CATSPERB: variants seen among roughly 807,000 people sequenced by gnomAD.
CATSPERB encodes catsper channel auxiliary subunit beta.
In CATSPERB, 93 loss-of-function variants were observed where a neutral mutation model predicts 128.3. The observed-to-expected ratio is 0.72, with a 90% CI of 0.61 to 0.86. CATSPERB has a LOEUF of 0.86. CATSPERB is among the 40% of genes least tolerant of loss of function. The pLI, the probability that CATSPERB is intolerant of heterozygous loss-of-function variation, is 0.00. For synonymous variants in CATSPERB, 381 were observed against 448.8 expected, an observed-to-expected ratio of 0.85 and a Z score of 1.91; for missense variants, 1,153 against 1,329.5, an observed-to-expected ratio of 0.87 and a Z score of 2.06.
At chr14:91,715,960 C>A (rs993673643) in intron 5 of CATSPERB, among the ~76,000 whole-genome samples, 1 of 152,086 alleles carries the variant, frequency 6.6e-6, no homozygotes, top group Non-Finnish European at 1.5e-5. Context: ...AATACACAAG[C>A]TAGAAGTGTA....
chr14:91,636,351 A>C, intron 17 of CATSPERB, 74 bp downstream of exon 17: 5 of 1,391,736 alleles, frequency 3.6e-6, no homozygotes, highest in Non-Finnish European at 4.0e-6. Flanking sequence ...TGACAGAGCA[A>C]GACCCTATCT....
chr14:91,656,791 T>C (rs1314010111), intron 15 of CATSPERB, among the ~76,000 whole-genome samples: 2 of 151,822 alleles, frequency 1.3e-5, no homozygotes, highest in Non-Finnish European at 2.9e-5. Flanking sequence ...AAGACACACA[T>C]AGACTGAAAA....
chr14:91,718,552 A>C (rs1895979623), intron 5 of CATSPERB, among the ~76,000 whole-genome samples: 1 of 152,218 alleles, frequency 6.6e-6, no homozygotes, highest in South Asian at 2.1e-4. Flanking sequence ...AACTGAAGAT[A>C]CTGTCCTGGG....
chr14:91,723,004 C>A, intron 4 of CATSPERB, 45 bp downstream of exon 4: 1 of 1,375,842 alleles, frequency 7.3e-7, no homozygotes, highest in Non-Finnish European at 9.6e-7. Flanking sequence ...GAAGAGTATG[C>A]TTCTTGTTAA....
intron 15 of CATSPERB, among the ~76,000 whole-genome samples, chr14:91,650,446 G>A (rs1396248973): frequency 6.6e-6 from 1 of 152,170 alleles, no homozygotes; most frequent in Non-Finnish European, 1.5e-5. Flanking sequence ...ATAATGAGTT[G>A]AGTTGGTTCC....
chr14:91,648,987 G>A (rs1894656838), intron 15 of CATSPERB, among the ~76,000 whole-genome samples: 1 of 130,070 alleles, frequency 7.7e-6, no homozygotes, highest in East Asian at 2.1e-4. Flanking sequence ...CACCTATCTT[G>A]CTTTTTTTTT....
chr14:91,589,322 G>A (rs1893356764), intron 24 of CATSPERB, among the ~76,000 whole-genome samples: 1 of 152,160 alleles, frequency 6.6e-6, no homozygotes, highest in Non-Finnish European at 1.5e-5. Flanking sequence ...ATTCAAAAAT[G>A]CTTTTACCCT....
chr14:91,676,257 AAGG>A (rs1895191682), intron 11 of CATSPERB, among the ~76,000 whole-genome samples: 1 of 152,166 alleles, frequency 6.6e-6, no homozygotes, highest in African/African-American at 2.4e-5. Context: ...TGTGTAAAAT[AAGG>A]AGGATTCACC....
chr14:91,726,458 A>G (rs1896122180), intron 2 of CATSPERB, among the ~76,000 whole-genome samples: 1 of 152,224 alleles, frequency 6.6e-6, no homozygotes, highest in Non-Finnish European at 1.5e-5. Flanking sequence ...TTTCATTAAG[A>G]GTCCTGCACA....
At chr14:91,604,724 T>C in intron 22 of CATSPERB, 1 of 1,613,874 alleles carries the variant, frequency 6.2e-7, no homozygotes, top group Non-Finnish European at 8.5e-7. Context: ...GTTCCAGGTC[T>C]GGTTGCTCCA....
chr14:91,670,241 C>T (rs1369617868), intron 13 of CATSPERB, among the ~76,000 whole-genome samples: 1 of 152,178 alleles, frequency 6.6e-6, no homozygotes, highest in Non-Finnish European at 1.5e-5. Flanking sequence ...ATTATAGAAT[C>T]ACTGCTGAAC....
At chr14:91,591,411 T>C (rs955642530) in intron 23 of CATSPERB, among the ~76,000 whole-genome samples, 1 of 152,078 alleles carries the variant, frequency 6.6e-6, no homozygotes, top group African/African-American at 2.4e-5. Flanking sequence ...AATAAAACAT[T>C]ATTTGACACA....
At chr14:91,600,035 C>T (rs898175902) in intron 22 of CATSPERB, among the ~76,000 whole-genome samples, 6 of 152,284 alleles carry the variant, frequency 3.9e-5, no homozygotes, top group East Asian at 1.9e-4. Context: ...TCAGTTAATG[C>T]GCATCTGATT....
At chr14:91,668,770 G>A (rs999134236) in intron 14 of CATSPERB, among the ~76,000 whole-genome samples, 8 of 152,012 alleles carry the variant, frequency 5.3e-5, no homozygotes, top group African/African-American at 1.5e-4. Flanking sequence ...CACTCACTGC[G>A]AAGGTCTGCA....
At position 91,721,616 on chromosome 14, in the gene CATSPERB, G is replaced by A. The variant is rs1896031212; in HGVS notation, c.309+1433C>T. Among the ~76,000 whole-genome samples the A allele has an allele frequency of 2.6e-5, 4 of 152,066 alleles. No individual in the cohort carries two copies. The South Asian group carries it at 8.3e-4, about 32-fold the overall frequency. On this transcript the variant is annotated intron_variant, in intron 4 of 26. Coordinates refer to ENST00000256343, the MANE Select transcript of CATSPERB (RefSeq NM_024764.4). Reference sequence around the variant, plus strand: ...TGTAATCCCAGCACTTTGGGAGGCCGAGGCTGGCGGATCACAAGGTCAGGA... The same window carrying A: ...TGTAATCCCAGCACTTTGGGAGGCCAAGGCTGGCGGATCACAAGGTCAGGA...
intron 26 of CATSPERB, 125 bp downstream of exon 26, chr14:91,587,077 C>T: frequency 1.5e-6 from 1 of 678,472 alleles, no homozygotes; most frequent in African/African-American, 1.9e-5. Flanking sequence ...TCAGGATCCC[C>T]TGTCTTTAAG....
rs1894438117 is a variant in CATSPERB, at chr14:91,639,126, G to A, written c.1557C>T (p.Ala519=). Reference sequence around the variant, plus strand: ...CAAAAAGATTTCTAGAATTTCCAAAGGCTGTGGGTGGTCCACTAGCTTCAA... The same window carrying A: ...CAAAAAGATTTCTAGAATTTCCAAAAGCTGTGGGTGGTCCACTAGCTTCAA... ...GRFEASGPPT[A]FGNSRNLFGQ... is the part of the protein sequence containing the mutation. Residue 519 remains alanine (A), a synonymous_variant, in exon 16 of 27, where the codon GCC becomes GCT. Transcript: ENST00000256343. 6.2e-7 allele frequency: 1 copy of A among 1,614,000 alleles called. No homozygotes were observed. Among genetic ancestry groups the A allele is most frequent in the East Asian group, 2.2e-5 (1 of 44,858 alleles).
At chr14:91,681,432 A>G (rs1895278537) in intron 11 of CATSPERB, among the ~76,000 whole-genome samples, 1 of 152,202 alleles carries the variant, frequency 6.6e-6, no homozygotes. Flanking sequence ...TTGCCAAAAT[A>G]TGTCAAGAAA....
In CATSPERB at chr14:91,674,262, T is replaced by C. The variant is rs761933220; in HGVS notation, c.932-40A>G. On this transcript the variant is annotated intron_variant, in intron 11 of 26. Coordinates refer to ENST00000256343, the MANE Select transcript of CATSPERB (RefSeq NM_024764.4). Reference sequence around the variant, plus strand: ...CAAGGGTACAGGAATTATGAGCATATCTGTATTTCTAAAACTGGAAGGGTT... The same window carrying C: ...CAAGGGTACAGGAATTATGAGCATACCTGTATTTCTAAAACTGGAAGGGTT... 8 of 1,271,190 alleles carry C rather than the reference T, an allele frequency of 6.3e-6. No homozygotes were observed. The South Asian group carries it at 9.0e-5, about 14-fold the overall frequency. 78.7% of individuals were successfully genotyped at this position (1,271,190 alleles called of 1,614,324 possible). A position where few individuals can be genotyped will look rare whatever the true frequency, so the allele number is the denominator to read the frequency against.
Sources: allele counts gnomAD v4.1 joint callset (sites outside exome capture counted in the v4.1 genomes callset), GRCh38; gene constraint gnomAD v4.1.1; transcripts MANE v1.5; gene names NCBI Gene and HGNC (gene_info 2026-07-23, HGNC 2026-07-21).